GMDS: variants seen among roughly 807,000 people sequenced by gnomAD.
GMDS encodes GDP-mannose 4,6-dehydratase.
In GMDS, 20 loss-of-function variants were observed where a neutral mutation model predicts 49.9. That is an observed-to-expected ratio of 0.40 (90% confidence interval 0.28 to 0.58). GMDS has a LOEUF of 0.58. Ranked by LOEUF, GMDS falls within the 20% of genes least tolerant of loss-of-function variation. The pLI is 0.42. For missense variants in GMDS, 362 were observed against 481.4 expected (o/e 0.75, Z 2.32); for synonymous variants, 177 against 178.6 (o/e 0.99, Z 0.07).
At chr6:1,998,218 G>C (rs1177167044) in intron 4 of GMDS, among the ~76,000 whole-genome samples, 1 of 152,146 alleles carries the variant, frequency 6.6e-6, no homozygotes, top group Non-Finnish European at 1.5e-5. Flanking sequence ...GAAAACAATT[G>C]AATGAAAGAG....
intron 9 of GMDS, among the ~76,000 whole-genome samples, chr6:1,634,719 C>T (rs544454173): frequency 2.0e-4 from 30 of 152,236 alleles, no homozygotes; most frequent in African/African-American, 7.0e-4. Flanking sequence ...CCTGCAGATG[C>T]TGCCTGTGGG....
intron 1 of GMDS, among the ~76,000 whole-genome samples, chr6:2,150,159 T>A (rs1280004536): frequency 6.6e-6 from 1 of 152,244 alleles, no homozygotes; most frequent in East Asian, 1.9e-4. Flanking sequence ...GTAAAATAAT[T>A]TTCATTTAGG....
At chr6:1,702,074 C>T (rs561419804) in intron 9 of GMDS, among the ~76,000 whole-genome samples, 6 of 152,322 alleles carry the variant, frequency 3.9e-5, no homozygotes, top group African/African-American at 1.2e-4. Context: ...ACTGGAATGC[C>T]CCCTTTAAGA....
chr6:1,787,286 A>G (rs1282094774), intron 7 of GMDS, among the ~76,000 whole-genome samples: 1 of 152,164 alleles, frequency 6.6e-6, no homozygotes, highest in East Asian at 1.9e-4. Context: ...AGTATAAAGG[A>G]CCAGCTAGGA....
intron 9 of GMDS, among the ~76,000 whole-genome samples, chr6:1,633,444 C>T (rs1385360875): frequency 6.6e-6 from 1 of 152,138 alleles, no homozygotes. Flanking sequence ...GTCATGAAGC[C>T]CATGTTCTAG....
chr6:1,862,366 C>T (rs1282826647), intron 7 of GMDS, among the ~76,000 whole-genome samples: 1 of 149,058 alleles, frequency 6.7e-6, no homozygotes, highest in African/African-American at 2.5e-5. Flanking sequence ...CAGGAAAAGA[C>T]AAAGGATCCT....
intron 7 of GMDS, among the ~76,000 whole-genome samples, chr6:1,754,151 GAAGAA>G (rs1767846287): frequency 6.6e-6 from 1 of 152,156 alleles, no homozygotes; most frequent in African/African-American, 2.4e-5. Flanking sequence ...GAATAATAAA[GAAGAA>G]AAGAGAGAAG....
intron 9 of GMDS, among the ~76,000 whole-genome samples, chr6:1,646,830 C>G (rs375547047): frequency 6.6e-6 from 1 of 152,120 alleles, no homozygotes; most frequent in Admixed American, 6.5e-5. Flanking sequence ...TAGAAAACTC[C>G]CTGAAGAGGA....
chr6:2,125,674 T>C lies in GMDS; in HGVS notation c.103-943A>G, dbSNP rs909589796. ...GGTTGGGGATATAGAAGGGCTAGTG[T>C]GGAGAGGAAAAGACTCCATGGTAGA... On this transcript the variant is annotated intron_variant, in intron 1 of 10. Coordinates refer to ENST00000380815, the MANE Select transcript of GMDS (RefSeq NM_001500.4). Among the ~76,000 whole-genome samples, 4 of 151,968 alleles carry C rather than the reference T, an allele frequency of 2.6e-5. No homozygotes were observed. In the East Asian group the frequency reaches 7.7e-4, roughly 29 times the overall value.
chr6:2,194,908 A>T (rs901992513), intron 1 of GMDS, among the ~76,000 whole-genome samples: 3 of 152,254 alleles, frequency 2.0e-5, no homozygotes, highest in African/African-American at 7.2e-5. Flanking sequence ...GTTCCAGCCA[A>T]GCACAGTAGT....
At chr6:1,936,057 A>T (rs1156479121) in intron 6 of GMDS, among the ~76,000 whole-genome samples, 1 of 152,188 alleles carries the variant, frequency 6.6e-6, no homozygotes, top group Non-Finnish European at 1.5e-5. Flanking sequence ...ATCTGTGACA[A>T]AGGACAAAAT....
chr6:2,080,256 G>A (rs749863059), intron 4 of GMDS, among the ~76,000 whole-genome samples: 45 of 151,908 alleles, frequency 3.0e-4, no homozygotes, highest in Admixed American at 5.9e-4. Context: ...TAATTCCCTG[G>A]TATCTCACTG....
chr6:2,212,076 TTTAA>T, intron 1 of GMDS, among the ~76,000 whole-genome samples: 1 of 152,354 alleles, frequency 6.6e-6, no homozygotes, highest in Admixed American at 6.5e-5. Flanking sequence ...CCTATTTGTT[TTTAA>T]TTTAGAACCT....
chr6:2,144,513 G>C (rs988140924), intron 1 of GMDS, among the ~76,000 whole-genome samples: 5 of 152,214 alleles, frequency 3.3e-5, no homozygotes, highest in African/African-American at 1.2e-4. Flanking sequence ...TACAGAGGTG[G>C]TCTCTAGTTG....
intron 7 of GMDS, among the ~76,000 whole-genome samples, chr6:1,750,472 C>G (rs556090399): frequency 1.3e-5 from 2 of 152,048 alleles, no homozygotes; most frequent in Non-Finnish European, 1.5e-5. Flanking sequence ...ACATGGGAAG[C>G]GCAAGGGGTT....
chr6:1,932,773 C>T (rs772800411), intron 6 of GMDS, among the ~76,000 whole-genome samples: 1 of 152,076 alleles, frequency 6.6e-6, no homozygotes, highest in Non-Finnish European at 1.5e-5. Flanking sequence ...CTCCTGACCT[C>T]GTGATCCACC....
chr6:2,117,395 A>C, intron 3 of GMDS, 74 bp downstream of exon 3: 1 of 877,720 alleles, frequency 1.1e-6, no homozygotes, highest in Non-Finnish European at 1.9e-6. Flanking sequence ...GACATTTGAA[A>C]ACACCTTATC....
chr6:1,972,871 T>A (rs1260217108), intron 4 of GMDS, among the ~76,000 whole-genome samples: 1 of 152,208 alleles, frequency 6.6e-6, no homozygotes, highest in Non-Finnish European at 1.5e-5. Flanking sequence ...ATTAACAGAT[T>A]AAGAGTCAGT....
intron 9 of GMDS, among the ~76,000 whole-genome samples, chr6:1,643,672 C>A (rs1447043475): frequency 6.6e-6 from 1 of 151,962 alleles, no homozygotes; most frequent in Non-Finnish European, 1.5e-5. Context: ...CTGGGGACTG[C>A]TAATGGTTAT....
Sources: gnomAD v4.1 joint callset for allele counts (sites outside exome capture counted in the v4.1 genomes callset) on GRCh38, gnomAD v4.1.1 for gene constraint, MANE v1.5 for transcripts, NCBI Gene and HGNC (gene_info 2026-07-23, HGNC 2026-07-21) for gene names.